GREB1L: variants seen among roughly 807,000 people sequenced by gnomAD.
The protein encoded by GREB1L is GREB1 like retinoic acid receptor coactivator.
A neutral mutation model predicts 200.8 loss-of-function variants in GREB1L; 17 were observed. That is an observed-to-expected ratio of 0.08 (90% CI 0.06 to 0.13). The LOEUF (loss-of-function observed/expected upper bound fraction) is 0.13. GREB1L is among the 10% of genes least tolerant of loss of function. The pLI is 1.00. For synonymous variants in GREB1L, 789 were observed against 893.0 expected (o/e 0.88, Z 2.08); for missense variants, 1,657 against 2,367.7 (o/e 0.70, Z 6.23).
intron 1 of GREB1L, among the ~76,000 whole-genome samples, chr18:21,318,111 AAAAAAAAAAAAAAAC>A (rs1334788735): frequency 1.3e-5 from 2 of 151,508 alleles, no homozygotes; most frequent in African/African-American, 2.4e-5. Flanking sequence ...CCGTCAAAAA[AAAAAAAAAAAAAAAC>A]AAAGAGAGAA....
intron 7 of GREB1L, among the ~76,000 whole-genome samples, chr18:21,405,708 C>T (rs1172198663): frequency 1.3e-5 from 2 of 151,892 alleles, no homozygotes; most frequent in Non-Finnish European, 2.9e-5. Flanking sequence ...GGCTGAGGCA[C>T]GAGAATTGCT....
intron 1 of GREB1L, among the ~76,000 whole-genome samples, chr18:21,356,817 A>G (rs958659401): frequency 7.3e-4 from 111 of 152,108 alleles, no homozygotes; most frequent in Non-Finnish European, 1.4e-3. Flanking sequence ...CCTTTTTTCT[A>G]CATCCTCTCC....
chr18:21,502,470 T>C (rs1015279926), intron 23 of GREB1L, among the ~76,000 whole-genome samples: 3 of 152,156 alleles, frequency 2.0e-5, no homozygotes, highest in African/African-American at 7.2e-5. Context: ...TTGTTTTACC[T>C]AAATAGCTGA....
At position 21,499,585 on chromosome 18, in the gene GREB1L, GC is replaced by G. The variant is rs2036690275; in HGVS notation, c.3392-143del. 2.2e-5 allele frequency: 14 copies of G among 633,842 alleles called. No homozygotes were observed. The South Asian group carries it at 2.5e-4, about 11-fold the overall frequency. The allele number at this position is 633,842 out of a possible 1,614,324, so 39.3% of individuals were successfully genotyped here. A position where few individuals can be genotyped will look rare whatever the true frequency, so the allele number is the denominator to read the frequency against. ...GAAGCAACACGGAGCAATGTGGAGAGCGGCAAAGAGAAGATTTCTTGCTCAG... is the reference window on the plus strand; with the variant it reads ...GAAGCAACACGGAGCAATGTGGAGAGGGCAAAGAGAAGATTTCTTGCTCAG... On this transcript the variant is annotated intron_variant, in intron 21 of 32. Transcript: ENST00000424526.
intron 7 of GREB1L, among the ~76,000 whole-genome samples, chr18:21,429,898 A>G (rs746251536): frequency 1.3e-5 from 2 of 152,082 alleles, no homozygotes; most frequent in Admixed American, 6.6e-5. Flanking sequence ...AACAATAGCA[A>G]TTTATTTTCA....
At chr18:21,307,757 G>T (rs1227129882) in intron 1 of GREB1L, among the ~76,000 whole-genome samples, 2 of 152,104 alleles carry the variant, frequency 1.3e-5, no homozygotes, top group South Asian at 2.1e-4. Context: ...TCGGGGGCGG[G>T]GGGGAGGAGT....
intron 7 of GREB1L, among the ~76,000 whole-genome samples, chr18:21,436,654 C>A: frequency 7.2e-6 from 1 of 139,356 alleles, no homozygotes; most frequent in South Asian, 2.3e-4. Flanking sequence ...AGATAGAATC[C>A]CAGAAAAGTT....
At chr18:21,433,108 A>G (rs546171740) in intron 7 of GREB1L, among the ~76,000 whole-genome samples, 1 of 152,296 alleles carries the variant, frequency 6.6e-6, no homozygotes, top group Non-Finnish European at 1.5e-5. Flanking sequence ...TTATTATTTA[A>G]TCTAACTTCC....
chr18:21,268,560 C>CACACACACATATATATAT (rs1204514384), intron 1 of GREB1L, among the ~76,000 whole-genome samples: 1 of 63,518 alleles, frequency 1.6e-5, no homozygotes, highest in African/African-American at 7.5e-5. Context: ...CACACACACA[C>CACACACACATATATATAT]ATATATATAT....
intron 15 of GREB1L, among the ~76,000 whole-genome samples, chr18:21,468,563 T>C (rs574412214): frequency 6.6e-6 from 1 of 152,308 alleles, no homozygotes; most frequent in East Asian, 1.9e-4. Flanking sequence ...CAAACGCTGT[T>C]AAAAAATCAT....
chr18:21,320,354 T>G (rs890972118), intron 1 of GREB1L, among the ~76,000 whole-genome samples: 3 of 152,150 alleles, frequency 2.0e-5, no homozygotes, highest in Non-Finnish European at 4.4e-5. Flanking sequence ...GTATAAAATA[T>G]TGTAATTACT....
At chr18:21,264,565 C>T (rs1339015573) in intron 1 of GREB1L, among the ~76,000 whole-genome samples, 1 of 152,136 alleles carries the variant, frequency 6.6e-6, no homozygotes, top group Non-Finnish European at 1.5e-5. Flanking sequence ...ACAACAACAA[C>T]AAGACCAAGA....
chr18:21,412,229 TG>T (rs1255176258), intron 7 of GREB1L, among the ~76,000 whole-genome samples: 1 of 147,552 alleles, frequency 6.8e-6, no homozygotes, highest in Non-Finnish European at 1.5e-5. Flanking sequence ...AGTGAAATCT[TG>T]TCTCTACAAA....
At chr18:21,376,170 A>G (rs1425832956) in intron 2 of GREB1L, among the ~76,000 whole-genome samples, 1 of 151,910 alleles carries the variant, frequency 6.6e-6, no homozygotes, top group East Asian at 1.9e-4. Context: ...CCCAGGCTGG[A>G]GTGCAATGGC....
chr18:21,318,158 T>C (rs2038901733), intron 1 of GREB1L, among the ~76,000 whole-genome samples: 1 of 145,934 alleles, frequency 6.9e-6, no homozygotes, highest in Admixed American at 6.8e-5. Flanking sequence ...AAAATGAGAA[T>C]AGCCTCCTGG....
intron 1 of GREB1L, among the ~76,000 whole-genome samples, chr18:21,267,663 T>G (rs1488372078): frequency 6.6e-6 from 1 of 152,182 alleles, no homozygotes; most frequent in Non-Finnish European, 1.5e-5. Flanking sequence ...AAGCAGTTGC[T>G]TGATTGCCTT....
At chr18:21,420,350 C>T (rs1323363756) in intron 7 of GREB1L, among the ~76,000 whole-genome samples, 3 of 145,600 alleles carry the variant, frequency 2.1e-5, no homozygotes, top group South Asian at 2.2e-4. Context: ...CCAGCCTGAG[C>T]GACAGTGTGA....
At chr18:21,327,334 C>T (rs186510024) in intron 1 of GREB1L, among the ~76,000 whole-genome samples, 82 of 152,158 alleles carry the variant, frequency 5.4e-4, no homozygotes, top group Non-Finnish European at 8.7e-4. Context: ...TTATCCTAGG[C>T]TTCCCTCCCT....
intron 1 of GREB1L, among the ~76,000 whole-genome samples, chr18:21,268,807 G>A (rs1250554209): frequency 3.3e-5 from 5 of 151,104 alleles, no homozygotes; most frequent in Non-Finnish European, 4.4e-5. Flanking sequence ...CGTGTTGCCC[G>A]GGCTGGTCTT....
Sources: allele counts gnomAD v4.1 joint callset (sites outside exome capture counted in the v4.1 genomes callset), GRCh38; gene constraint gnomAD v4.1.1; transcripts MANE v1.5; gene names NCBI Gene and HGNC (gene_info 2026-07-23, HGNC 2026-07-21).